Variants in DENND1B observed in about 807,000 individuals in gnomAD.
The protein encoded by DENND1B is DENN domain containing 1B, also known as DENN domain-containing protein 1B.
DENND1B carries 59 observed loss-of-function variants against 90.1 expected under a neutral mutation model. That is an observed-to-expected ratio of 0.65 (90% CI 0.53 to 0.81). DENND1B has a LOEUF of 0.81. Among genes scored for constraint, DENND1B ranks in the 40% least tolerant of loss-of-function variants. The probability of loss-of-function intolerance (pLI) is 0.00; values close to 1 mark genes in which losing one functional copy is unlikely to be tolerated. For synonymous variants in DENND1B, 337 were observed against 324.6 expected (o/e 1.04, Z -0.41); for missense variants, 862 against 912.6 (o/e 0.94, Z 0.71).
chr1:197,654,646 G>T lies in DENND1B; in HGVS notation c.367-2331C>A, dbSNP rs8179438. 1.3e-3 allele frequency among the ~76,000 whole-genome samples: 199 copies of T among 151,436 alleles called. 1 individual carries two copies. In the East Asian group the frequency reaches 0.031, roughly 23 times the overall value. Reference sequence around the variant, plus strand: ...AAGAATTTAAATCCAGGATTTCAGGGTTCAATCAAACCACATTGCCAAAAG... The same window carrying T: ...AAGAATTTAAATCCAGGATTTCAGGTTTCAATCAAACCACATTGCCAAAAG... On this transcript the variant is annotated intron_variant, in intron 6 of 22. Coordinates refer to ENST00000620048, the MANE Select transcript of DENND1B (RefSeq NM_001195215.2).
At chr1:197,751,974 AAGG>A (rs774609813) in intron 2 of DENND1B, among the ~76,000 whole-genome samples, 31 of 89,012 alleles carry the variant, frequency 3.5e-4, no homozygotes, top group African/African-American at 1.2e-3. Flanking sequence ...GGAGGAGGAG[AAGG>A]AGAAGAAGAA....
chr1:197,560,191 G>A (rs944104160), intron 15 of DENND1B, among the ~76,000 whole-genome samples: 2 of 151,858 alleles, frequency 1.3e-5, no homozygotes, highest in Non-Finnish European at 2.9e-5. Context: ...TTAGTCTGCT[G>A]AACCTTATGA....
chr1:197,754,811 C>A (rs1231990887), intron 2 of DENND1B, among the ~76,000 whole-genome samples: 1 of 151,820 alleles, frequency 6.6e-6, no homozygotes, highest in East Asian at 1.9e-4. Flanking sequence ...CATATTCATG[C>A]AAATATACTC....
chr1:197,690,527 TA>T, intron 3 of DENND1B: 1 of 196,072 alleles, frequency 5.1e-6, no homozygotes, highest in Non-Finnish European at 1.0e-5. Flanking sequence ...TTACTGTTCA[TA>T]ATATGAGACA....
At chr1:197,736,071 C>A in intron 2 of DENND1B, 1 of 826,986 alleles carries the variant, frequency 1.2e-6, no homozygotes, top group Non-Finnish European at 2.0e-6. Context: ...TTGTGAAGCC[C>A]GTGAAAGTTT....
intron 10 of DENND1B, among the ~76,000 whole-genome samples, chr1:197,621,010 G>A (rs780534671): frequency 6.6e-5 from 10 of 151,258 alleles, no homozygotes; most frequent in Non-Finnish European, 1.3e-4. Context: ...TTGGGAAGAA[G>A]AGCATTCCAG....
intron 3 of DENND1B, among the ~76,000 whole-genome samples, chr1:197,697,524 C>CA (rs1388727392): frequency 3.3e-5 from 5 of 151,582 alleles, no homozygotes; most frequent in Non-Finnish European, 5.9e-5. Flanking sequence ...ACTCAGTGAT[C>CA]AAAAAATAAG....
chr1:197,770,808 A>AAATATATATG (rs1656462668), intron 2 of DENND1B, among the ~76,000 whole-genome samples: 1 of 140,536 alleles, frequency 7.1e-6, no homozygotes. Flanking sequence ...AAATATATAT[A>AAATATATATG]TAAATATATA....
rs781241170 is a variant in DENND1B, at chr1:197,505,400, A to G, written c.*5060T>C. ...TCACATTTGAGAAATGAAATAACAG[A>G]GATGAATAGACTTATAGGTTCATCA... On this transcript the variant is annotated 3_prime_UTR_variant, in exon 23 of 23. Coordinates refer to ENST00000620048, the MANE Select transcript of DENND1B (RefSeq NM_001195215.2). 6.6e-6 allele frequency: 1 copy of G among 151,716 alleles called. No individual in the cohort carries two copies. Among genetic ancestry groups the G allele is most frequent in the Non-Finnish European group, 1.5e-5 (1 of 67,774 alleles). 9.4% of individuals were successfully genotyped at this position (151,716 alleles called of 1,614,324 possible).
At chr1:197,728,397 T>C (rs2102305577) in intron 2 of DENND1B, among the ~76,000 whole-genome samples, 1 of 152,352 alleles carries the variant, frequency 6.6e-6, no homozygotes, top group Non-Finnish European at 1.5e-5. Flanking sequence ...TAGATATTCA[T>C]AAGCATAAAT....
intron 20 of DENND1B, among the ~76,000 whole-genome samples, chr1:197,538,202 G>A (rs1237728300): frequency 2.0e-5 from 3 of 151,866 alleles, no homozygotes; most frequent in African/African-American, 7.3e-5. Context: ...ACTCGCCATG[G>A]TAAAGATAAC....
intron 2 of DENND1B, among the ~76,000 whole-genome samples, chr1:197,764,854 G>C (rs1391040368): frequency 6.6e-6 from 1 of 152,140 alleles, no homozygotes; most frequent in Non-Finnish European, 1.5e-5. Context: ...ATTGTTAGTT[G>C]AAAAGTGGTG....
At chr1:197,703,870 G>GAAAATT (rs1172205226) in intron 3 of DENND1B, among the ~76,000 whole-genome samples, 2 of 151,946 alleles carry the variant, frequency 1.3e-5, no homozygotes, top group Non-Finnish European at 1.5e-5. Flanking sequence ...CACTCACATA[G>GAAAATT]AAAATTGTTC....
intron 15 of DENND1B, among the ~76,000 whole-genome samples, chr1:197,580,311 G>A (rs541634917): frequency 6.8e-6 from 1 of 147,836 alleles, no homozygotes; most frequent in East Asian, 2.0e-4. Context: ...TATTAGCCAG[G>A]ATGGTCTCGA....
chr1:197,594,995 A>G, intron 14 of DENND1B, among the ~76,000 whole-genome samples: 1 of 152,170 alleles, frequency 6.6e-6, no homozygotes, highest in East Asian at 1.9e-4. Context: ...AGACTTTGGG[A>G]AATACTAATG....
At position 197,683,765 on chromosome 1, in the gene DENND1B, CAT is replaced by C. The variant is rs148509091; in HGVS notation, c.127-9598_127-9597del. Among the ~76,000 whole-genome samples the C allele has an allele frequency of 5.8e-3, 880 of 152,210 alleles. 9 individuals carry two copies. Among genetic ancestry groups the C allele is most frequent in the African/African-American group, 0.02 (814 of 41,548 alleles). ...AAATTTTCTCTTACAACGATGAAAACATATATCTTTATTTTCCTAACCACTTG... is the reference window on the plus strand; with the variant it reads ...AAATTTTCTCTTACAACGATGAAAACATATCTTTATTTTCCTAACCACTTG... On this transcript the variant is annotated intron_variant, in intron 3 of 22. Transcript: ENST00000620048.
chr1:197,778,303 A>G (rs909360054), upstream of DENND1B, among the ~76,000 whole-genome samples: 1 of 152,162 alleles, frequency 6.6e-6, no homozygotes, highest in Non-Finnish European at 1.5e-5. Context: ...TAAAATTTTT[A>G]GTCTTGATTT....
At chr1:197,550,204 A>G (rs989187056) in intron 16 of DENND1B, among the ~76,000 whole-genome samples, 12 of 152,158 alleles carry the variant, frequency 7.9e-5, no homozygotes, top group African/African-American at 2.4e-4. Context: ...GAAATTCAAA[A>G]GAGATGAGAA....
upstream of DENND1B, among the ~76,000 whole-genome samples, chr1:197,778,368 T>G (rs1657349190): frequency 1.3e-5 from 2 of 152,182 alleles, no homozygotes; most frequent in Admixed American, 1.3e-4. Flanking sequence ...ACAATTTGCA[T>G]GTATTAAAAC....
Sources: gnomAD v4.1 joint callset for allele counts (sites outside exome capture counted in the v4.1 genomes callset) on GRCh38, gnomAD v4.1.1 for gene constraint, MANE v1.5 for transcripts, NCBI Gene and HGNC (gene_info 2026-07-23, HGNC 2026-07-21) for gene names.